Variants in STS observed in about 807,000 individuals in gnomAD.
STS encodes steroid sulfatase.
STS carries 7 observed loss-of-function variants against 26.8 expected under a neutral mutation model. The observed-to-expected ratio is 0.26, with a 90% CI of 0.15 to 0.49. The LOEUF is 0.49. Among genes scored for constraint, STS ranks in the 20% least tolerant of loss-of-function variants. The pLI is 0.98. For missense variants in STS, 434 were observed against 465.6 expected (o/e 0.93, Z 0.63); for synonymous variants, 199 against 189.4 (o/e 1.05, Z -0.42).
At chrX:7,215,736 G>A (rs746466760) in intron 2 of STS, among the ~76,000 whole-genome samples, 6 of 111,506 alleles carry the variant, frequency 5.4e-5, no homozygotes, top group Non-Finnish European at 9.4e-5. Flanking sequence ...CCCTCCTGCA[G>A]GGTTGCCCAG....
At chrX:7,242,790 G>A (rs1208101462) in intron 2 of STS, among the ~76,000 whole-genome samples, 1 of 111,722 alleles carries the variant, frequency 9.0e-6, no homozygotes, top group Non-Finnish European at 1.9e-5. Context: ...ATAAACTGCA[G>A]TTCTGACTCC....
chrX:7,263,611 T>C (rs946088243), intron 6 of STS, among the ~76,000 whole-genome samples: 1 of 112,436 alleles, frequency 8.9e-6, no homozygotes, highest in Admixed American at 9.4e-5. Context: ...TGCTTAATGA[T>C]ACATTTCTCA....
At chrX:7,305,662 G>A (rs1261033031) in intron 8 of STS, among the ~76,000 whole-genome samples, 3 of 111,626 alleles carry the variant, frequency 2.7e-5, no homozygotes, top group East Asian at 5.7e-4. Flanking sequence ...CAGCTTCTGG[G>A]GACTTCCCAC....
In STS at chrX:7,350,999, G is replaced by A. The variant is rs1274912987; in HGVS notation, c.*738G>A. The A allele has an allele frequency of 2.7e-5, 3 of 112,457 alleles. No homozygotes were observed. The highest frequency in any genetic ancestry group is 9.7e-5 in the African/African-American group (3 of 30,924). 9.3% of individuals were successfully genotyped at this position (112,457 alleles called of 1,213,427 possible). A position where few individuals can be genotyped will look rare whatever the true frequency, so the allele number is the denominator to read the frequency against. On this transcript the variant is annotated 3_prime_UTR_variant, in exon 11 of 11. Transcript: ENST00000674429. ...CACTATTTAAGTAAATACAGTAGAA[G>A]CTCACAAATAGATTTCTTTGCACAA...
Position 7,257,367 on chromosome X carries a change from ACCT to A in STS, c.259+8_259+10del, listed in dbSNP as rs773065157. On this transcript the variant is annotated splice_donor_5th_base_variant and intron_variant, in intron 4 of 10. Transcript: ENST00000674429. Reference sequence around the variant, plus strand: ...GGCCGGTACCCTGTCCGATCAGGTAACCTCCTATCTGCATCGCAGGGGCTGTGG... The same window carrying A: ...GGCCGGTACCCTGTCCGATCAGGTAACCTATCTGCATCGCAGGGGCTGTGG... The A allele has an allele frequency of 7.3e-3, 8,833 of 1,210,421 alleles. 37 individuals are homozygous for A. The highest frequency in any genetic ancestry group is 8.5e-3 in the Non-Finnish European group (7,581 of 895,122).
intron 8 of STS, among the ~76,000 whole-genome samples, chrX:7,309,884 G>A (rs966737947): frequency 9.0e-6 from 1 of 111,612 alleles, no homozygotes; most frequent in East Asian, 2.8e-4. Context: ...TGGGAAATAA[G>A]GGTAGGGTCA....
chrX:7,293,236 C>T (rs1925502809), intron 7 of STS, among the ~76,000 whole-genome samples: 1 of 111,905 alleles, frequency 8.9e-6, no homozygotes, highest in Admixed American at 9.5e-5. Context: ...TGAACATGAG[C>T]CCCACAAAAA....
At chrX:7,344,656 C>T (rs976211615) in intron 10 of STS, among the ~76,000 whole-genome samples, 1 of 111,520 alleles carries the variant, frequency 9.0e-6, no homozygotes, top group Non-Finnish European at 1.9e-5. Context: ...TGTTCTGGAG[C>T]GCTTGAATTA....
In STS at chrX:7,162,450, C is replaced by T. The variant is rs554388482; in HGVS notation, c.-134+14367C>T. ...TTCAACTGTGAGGTCTGGGAGAAAGCCCAGGGGGATGGAACAGAGATGGCT... is the reference window on the plus strand; with the variant it reads ...TTCAACTGTGAGGTCTGGGAGAAAGTCCAGGGGGATGGAACAGAGATGGCT... On this transcript the variant is annotated intron_variant, in intron 1 of 10. Coordinates refer to ENST00000674429, the MANE Select transcript of STS (RefSeq NM_001320752.2). 3.6e-5 allele frequency among the ~76,000 whole-genome samples: 4 copies of T among 111,539 alleles called. No individual in the cohort carries two copies. The East Asian group carries it at 1.1e-3, about 31-fold the overall frequency.
At chrX:7,333,103 C>T (rs920883054) in intron 9 of STS, among the ~76,000 whole-genome samples, 43 of 112,084 alleles carry the variant, frequency 3.8e-4, no homozygotes, top group African/African-American at 1.4e-3. Flanking sequence ...TTCTAAACGC[C>T]TTGTAACAAG....
intron 2 of STS, among the ~76,000 whole-genome samples, chrX:7,212,001 G>A (rs776536082): frequency 1.8e-5 from 2 of 112,107 alleles, no homozygotes; most frequent in South Asian, 3.7e-4. Flanking sequence ...GAGCAGATAC[G>A]TGTCAATGTA....
chrX:7,220,642 G>A (rs1315748919), intron 2 of STS, among the ~76,000 whole-genome samples: 1 of 101,832 alleles, frequency 9.8e-6, no homozygotes, highest in African/African-American at 3.7e-5. Flanking sequence ...TCCACCTCCC[G>A]GGTTCACGCC....
At chrX:7,227,896 A>G (rs962664173) in intron 2 of STS, among the ~76,000 whole-genome samples, 2 of 111,156 alleles carry the variant, frequency 1.8e-5, no homozygotes, top group Admixed American at 1.9e-4. Flanking sequence ...ATCCCCTGGA[A>G]ACCACCACTT....
At chrX:7,209,581 TTTA>T (rs1267899731) in intron 2 of STS, among the ~76,000 whole-genome samples, 1 of 107,082 alleles carries the variant, frequency 9.3e-6, no homozygotes, top group African/African-American at 3.3e-5. Flanking sequence ...TAAAAAAATA[TTTA>T]TTTTCATATT....
At chrX:7,324,229 T>G (rs1444171584) in intron 8 of STS, among the ~76,000 whole-genome samples, 1 of 110,603 alleles carries the variant, frequency 9.0e-6, no homozygotes, top group African/African-American at 3.3e-5. Context: ...GATTGGCAGT[T>G]GGTTGAAAGA....
intron 2 of STS, among the ~76,000 whole-genome samples, chrX:7,215,346 T>C (rs1415960767): frequency 1.8e-5 from 2 of 109,648 alleles, no homozygotes; most frequent in African/African-American, 6.7e-5. Flanking sequence ...AAACCAGGGT[T>C]CCATTCAATG....
At chrX:7,231,907 A>G (rs1338733612) in intron 2 of STS, among the ~76,000 whole-genome samples, 2 of 106,987 alleles carry the variant, frequency 1.9e-5, no homozygotes, top group African/African-American at 3.4e-5. Flanking sequence ...CCGACCGCAG[A>G]TAGTCGCCAC....
intron 1 of STS, among the ~76,000 whole-genome samples, chrX:7,176,005 T>C (rs1933563628): frequency 8.9e-6 from 1 of 111,759 alleles, no homozygotes; most frequent in Non-Finnish European, 1.9e-5. Context: ...GTGATTTTCT[T>C]TCCATGTTCC....
intron 2 of STS, among the ~76,000 whole-genome samples, chrX:7,240,493 ATGTGTGTGTG>A (rs374194610): frequency 5.5e-5 from 4 of 72,706 alleles, no homozygotes; most frequent in Non-Finnish European, 7.5e-5. Flanking sequence ...ACAGATATGT[ATGTGTGTGTG>A]TGTGTGTGTG....
Sources: gnomAD v4.1 joint callset for allele counts (sites outside exome capture counted in the v4.1 genomes callset) on GRCh38, gnomAD v4.1.1 for gene constraint, MANE v1.5 for transcripts, NCBI Gene and HGNC (gene_info 2026-07-23, HGNC 2026-07-21) for gene names.